The following LOC128462377 variants were observed in gnomAD, a reference collection of about 807,000 sequenced individuals.
the LOC128462377 span, among the ~76,000 whole-genome samples, chr16:89,325,428 ACCCTCTC>A: frequency 3.4e-5 from 5 of 145,212 alleles, no homozygotes; most frequent in African/African-American, 1.0e-4. Flanking sequence ...TCAGAGCCAG[ACCCTCTC>A]CCCTCTCCCC....
At chr16:89,395,187 G>A in the LOC128462377 span, among the ~76,000 whole-genome samples, 3 of 152,196 alleles carry the variant, frequency 2.0e-5, no homozygotes, top group African/African-American at 7.2e-5. Flanking sequence ...AAAGTTAGAG[G>A]CTTGGTCAAT....
chr16:89,357,362 G>A, the LOC128462377 span, among the ~76,000 whole-genome samples: 1 of 152,190 alleles, frequency 6.6e-6, no homozygotes, highest in African/African-American at 2.4e-5. Context: ...GCACCTCACA[G>A]GGAACCAGGG....
At chr16:89,413,787 T>C in the LOC128462377 span, among the ~76,000 whole-genome samples, 72 of 151,804 alleles carry the variant, frequency 4.7e-4, no homozygotes, top group Admixed American at 4.7e-3. Context: ...GGGGTGAGGG[T>C]GCCAGGGAGA....
the LOC128462377 span, among the ~76,000 whole-genome samples, chr16:89,375,463 TC>T: frequency 3.0e-4 from 3 of 9,886 alleles, no homozygotes; most frequent in African/African-American, 3.7e-3. Context: ...AGACTCTATC[TC>T]TTTTTTTTTT....
the LOC128462377 span, among the ~76,000 whole-genome samples, chr16:89,394,253 C>T: frequency 6.6e-6 from 1 of 152,190 alleles, no homozygotes; most frequent in African/African-American, 2.4e-5. Context: ...CAGTGGTCTC[C>T]CATGTCCCTG....
At chr16:89,391,171 T>G in the LOC128462377 span, among the ~76,000 whole-genome samples, 3 of 142,350 alleles carry the variant, frequency 2.1e-5, no homozygotes, top group African/African-American at 8.0e-5. Context: ...GAGCTTGCAG[T>G]GAGCCGAGAT....
chr16:89,406,241 G>C, the LOC128462377 span, among the ~76,000 whole-genome samples: 2 of 152,054 alleles, frequency 1.3e-5, no homozygotes, highest in Admixed American at 1.3e-4. Flanking sequence ...GGGGCTCTCT[G>C]AGAGTCGGCA....
At chr16:89,410,779 T>C in the LOC128462377 span, among the ~76,000 whole-genome samples, 16 of 152,230 alleles carry the variant, frequency 1.1e-4, no homozygotes, top group South Asian at 2.1e-4. Context: ...TATTTTCCCA[T>C]GCCCAGGCAG....
chr16:89,415,304 G>A, the LOC128462377 span, among the ~76,000 whole-genome samples: 2 of 120,348 alleles, frequency 1.7e-5, no homozygotes, highest in African/African-American at 6.7e-5. Flanking sequence ...TCCCTCTGTC[G>A]CCCAGGCTGG....
chr16:89,318,231 C>T, the LOC128462377 span, among the ~76,000 whole-genome samples: 1 of 152,232 alleles, frequency 6.6e-6, no homozygotes, highest in African/African-American at 2.4e-5. Flanking sequence ...GGCATGGACA[C>T]TCTCGGAGCA....
At chr16:89,396,847 C>T in the LOC128462377 span, among the ~76,000 whole-genome samples, 8 of 152,078 alleles carry the variant, frequency 5.3e-5, no homozygotes, top group South Asian at 2.1e-4. Context: ...CCACCACACC[C>T]GGCTAATTTT....
chr16:89,407,646 C>T, the LOC128462377 span, among the ~76,000 whole-genome samples: 4 of 152,026 alleles, frequency 2.6e-5, no homozygotes, highest in Admixed American at 6.6e-5. Context: ...CACGGCGAGA[C>T]GCCGTCTCTA....
the LOC128462377 span, among the ~76,000 whole-genome samples, chr16:89,340,526 C>T: frequency 1.3e-5 from 2 of 152,232 alleles, no homozygotes; most frequent in African/African-American, 2.4e-5. Context: ...CCACCTGCCT[C>T]GGCCTCCCAA....
the LOC128462377 span, among the ~76,000 whole-genome samples, chr16:89,416,338 C>A: frequency 6.6e-6 from 1 of 151,980 alleles, no homozygotes; most frequent in Admixed American, 6.5e-5. Context: ...CTTGCTCTGT[C>A]GCCCAGGCTC....
the LOC128462377 span, among the ~76,000 whole-genome samples, chr16:89,397,088 G>A: frequency 6.6e-6 from 1 of 152,026 alleles, no homozygotes; most frequent in South Asian, 2.1e-4. Flanking sequence ...TTGTTAATTG[G>A]AATTGGTATA....
the LOC128462377 span, among the ~76,000 whole-genome samples, chr16:89,414,677 G>A: frequency 6.6e-6 from 1 of 152,206 alleles, no homozygotes; most frequent in Non-Finnish European, 1.5e-5. Flanking sequence ...CACAGAGCTA[G>A]CACCAGTCAG....
the LOC128462377 span, among the ~76,000 whole-genome samples, chr16:89,320,813 C>T: frequency 3.3e-5 from 5 of 152,270 alleles, no homozygotes; most frequent in African/African-American, 1.2e-4. Flanking sequence ...ATGCTGGGAA[C>T]AGCCGTCCTT....
chr16:89,385,231 C>T, the LOC128462377 span, among the ~76,000 whole-genome samples: 78 of 151,430 alleles, frequency 5.2e-4, no homozygotes, highest in Middle Eastern at 6.8e-3. Context: ...CCTCTGTCAC[C>T]CAGGCTGGAG....
the LOC128462377 span, among the ~76,000 whole-genome samples, chr16:89,321,835 C>A: frequency 6.6e-6 from 1 of 152,210 alleles, no homozygotes; most frequent in African/African-American, 2.4e-5. Context: ...TTTTCTTCCA[C>A]CTCTGCCTCT....
Sources: allele counts gnomAD v4.1 joint callset (sites outside exome capture counted in the v4.1 genomes callset), GRCh38; gene constraint gnomAD v4.1.1; transcripts MANE v1.5.